RPTOR: variants seen among roughly 807,000 people sequenced by gnomAD.
The protein encoded by RPTOR is regulatory associated protein of MTOR complex 1, also known as regulatory-associated protein of mTOR.
In RPTOR, 21 loss-of-function variants were observed where a neutral mutation model predicts 169.9. That is an observed-to-expected ratio of 0.12 (90% CI 0.09 to 0.18). The LOEUF is 0.18. Among genes scored for constraint, RPTOR ranks in the 10% least tolerant of loss-of-function variants. The pLI is 1.00. For missense variants in RPTOR, 1,133 were observed against 1,855.9 expected, an observed-to-expected ratio of 0.61 and a Z score of 7.16; for synonymous variants, 732 against 753.2, an observed-to-expected ratio of 0.97 and a Z score of 0.46.
chr17:80,641,206 C>A (rs2065551507), intron 2 of RPTOR, among the ~76,000 whole-genome samples: 2 of 152,168 alleles, frequency 1.3e-5, no homozygotes, highest in South Asian at 4.1e-4. Context: ...GAAATGAAGA[C>A]CAAACATGTA....
At chr17:80,738,817 T>C (rs2066456883) in intron 5 of RPTOR, among the ~76,000 whole-genome samples, 1 of 152,252 alleles carries the variant, frequency 6.6e-6, no homozygotes, top group Admixed American at 6.5e-5. Context: ...TTAGTTGTCT[T>C]CTTTAGATGT....
At chr17:80,548,620 G>C (rs867662641) in intron 1 of RPTOR, among the ~76,000 whole-genome samples, 10 of 151,880 alleles carry the variant, frequency 6.6e-5, no homozygotes, top group African/African-American at 2.2e-4. Flanking sequence ...TCGTTCACCT[G>C]CCTCAGCCTC....
intron 25 of RPTOR, chr17:80,941,852 C>A (rs2144041537): frequency 6.6e-6 from 1 of 152,396 alleles, no homozygotes; most frequent in Non-Finnish European, 1.5e-5. Context: ...CTCTGCTGAT[C>A]ACCGAAAACA....
intron 4 of RPTOR, among the ~76,000 whole-genome samples, chr17:80,727,070 C>T (rs1267675161): frequency 6.6e-6 from 1 of 152,032 alleles, no homozygotes; most frequent in African/African-American, 2.4e-5. Flanking sequence ...CCGACCACAT[C>T]GTGCTCCGAG....
intron 2 of RPTOR, among the ~76,000 whole-genome samples, chr17:80,637,407 C>G (rs1472879495): frequency 6.6e-6 from 1 of 152,246 alleles, no homozygotes; most frequent in Non-Finnish European, 1.5e-5. Flanking sequence ...GTTTCCAGCC[C>G]TGCCCCTGCT....
intron 6 of RPTOR, among the ~76,000 whole-genome samples, chr17:80,770,625 AC>A (rs1398897075): frequency 2.0e-5 from 3 of 152,178 alleles, no homozygotes; most frequent in African/African-American, 2.4e-5. Context: ...AGTTGTGAAC[AC>A]ATCTTCTCTG....
chr17:80,791,267 C>T (rs904476218), intron 6 of RPTOR, among the ~76,000 whole-genome samples, 183 bp from the exon 7 acceptor site: 5 of 152,164 alleles, frequency 3.3e-5, no homozygotes, highest in Non-Finnish European at 7.3e-5. Context: ...CACGCCTTGA[C>T]AGAATGGCAA....
chr17:80,725,507 C>T (rs148479433), intron 4 of RPTOR, among the ~76,000 whole-genome samples: 36 of 152,292 alleles, frequency 2.4e-4, no homozygotes, highest in African/African-American at 7.7e-4. Context: ...AGCAGCCTTC[C>T]GTGTATACAG....
chr17:80,691,076 C>T (rs144930825), intron 3 of RPTOR, among the ~76,000 whole-genome samples: 64 of 152,282 alleles, frequency 4.2e-4, no homozygotes, highest in Non-Finnish European at 5.7e-4. Context: ...GTTACAGATA[C>T]GAGCCACTGT....
intron 9 of RPTOR, among the ~76,000 whole-genome samples, chr17:80,830,144 A>G (rs1374631417): frequency 6.6e-6 from 1 of 152,164 alleles, no homozygotes; most frequent in African/African-American, 2.4e-5. Flanking sequence ...GTCCCACGCT[A>G]TAGGTGTACA....
chr17:80,667,124 G>T (rs1319464256), intron 3 of RPTOR, among the ~76,000 whole-genome samples: 2 of 152,208 alleles, frequency 1.3e-5, no homozygotes, highest in Non-Finnish European at 2.9e-5. Flanking sequence ...GCTGATGGTA[G>T]GTTCTGCTGG....
rs1417941266 is a variant in RPTOR at position 80,820,005 on chromosome 17, G to T, written c.891-2196G>T. 6.6e-6 allele frequency among the ~76,000 whole-genome samples: 1 copy of T among 152,194 alleles called. No individual in the cohort carries two copies. The highest frequency in any genetic ancestry group is 1.5e-5 in the Non-Finnish European group (1 of 68,028). On this transcript the variant is annotated intron_variant, in intron 7 of 33. Transcript: ENST00000306801. The surrounding 1 kb of genome is among the most constrained non-coding windows in gnomAD (Gnocchi z 4.1). ...GGCGCCTCTCTTCCTGAGGCTTGGG[G>T]ACGGTCCTCTGCCCTCATAGTTTGA...
intron 20 of RPTOR, among the ~76,000 whole-genome samples, chr17:80,897,652 A>C (rs1259759682): frequency 6.6e-6 from 1 of 152,186 alleles, no homozygotes; most frequent in Admixed American, 6.5e-5. Context: ...GGCGCTCCCC[A>C]TTGGCATTCA....
At chr17:80,923,211 C>A (rs71373055) in intron 22 of RPTOR, among the ~76,000 whole-genome samples, 2 of 152,212 alleles carry the variant, frequency 1.3e-5, no homozygotes, top group Non-Finnish European at 2.9e-5. Flanking sequence ...CCGGCCCACT[C>A]GACTCTGAGC....
chr17:80,725,478 C>G (rs1178960599), intron 4 of RPTOR, among the ~76,000 whole-genome samples: 1 of 152,216 alleles, frequency 6.6e-6, no homozygotes, highest in African/African-American at 2.4e-5. Context: ...CCATTGGCCA[C>G]AAGCTCTTGA....
At chr17:80,768,198 T>G (rs2066807122) in intron 6 of RPTOR, among the ~76,000 whole-genome samples, 1 of 152,174 alleles carries the variant, frequency 6.6e-6, no homozygotes, top group South Asian at 2.1e-4. Flanking sequence ...TGCCTTTATA[T>G]TTTTGGTTCA....
At chr17:80,902,678 G>A (rs977771384) in intron 20 of RPTOR, among the ~76,000 whole-genome samples, 1 of 152,224 alleles carries the variant, frequency 6.6e-6, no homozygotes, top group Non-Finnish European at 1.5e-5. Context: ...GAGACGGTCT[G>A]TGGCCTGTGT....
At chr17:80,678,403 G>A (rs907459054) in intron 3 of RPTOR, among the ~76,000 whole-genome samples, 5 of 152,150 alleles carry the variant, frequency 3.3e-5, no homozygotes, top group African/African-American at 1.2e-4. Flanking sequence ...CCAGGAGTTC[G>A]AGACCAGCCT....
At chr17:80,880,523 G>A (rs772070964) in intron 14 of RPTOR, 34 bp downstream of exon 14, 7 of 1,600,132 alleles carry the variant, frequency 4.4e-6, no homozygotes, top group Non-Finnish European at 1.7e-6. Flanking sequence ...CCACGGGCTT[G>A]GGACTCAGCA....
Sources: gnomAD v4.1 joint callset for allele counts (sites outside exome capture counted in the v4.1 genomes callset) on GRCh38, gnomAD v4.1.1 for gene constraint, Gnocchi (gnomAD v3.1) non-coding constraint, MANE v1.5 for transcripts, NCBI Gene and HGNC (gene_info 2026-07-23, HGNC 2026-07-21) for gene names.